PCDH10: variants seen among roughly 807,000 people sequenced by gnomAD.
PCDH10 encodes the protein protocadherin-10.
Under a neutral mutation model 74.4 loss-of-function variants are expected in PCDH10, and 15 were observed. The observed-to-expected ratio is 0.20, with a 90% CI of 0.13 to 0.31. The LOEUF (loss-of-function observed/expected upper bound fraction) is 0.31, where lower values mean the gene tolerates loss of function less well. Ranked by LOEUF, PCDH10 falls within the 10% of genes least tolerant of loss-of-function variation. The pLI is 1.00. For missense variants in PCDH10, 1,260 were observed against 1,390.2 expected, an observed-to-expected ratio of 0.91 and a Z score of 1.49; for synonymous variants, 619 against 589.8, an observed-to-expected ratio of 1.05 and a Z score of -0.72.
chr4:133,150,169 T>C lies in PCDH10; in HGVS notation c.29T>C (p.Leu10Pro). The C allele has an allele frequency of 1.9e-6, 3 of 1,584,770 alleles. No homozygotes were observed. The East Asian group carries it at 6.7e-5, about 35-fold the overall frequency. MIVLLLFAL[L>P]WMVEGVFSQL... is the part of the protein sequence containing the mutation. ...ATTGTGCTATTATTGTTTGCCTTGC[T>C]CTGGATGGTGGAAGGAGTCTTTTCC... Residue 10 changes from leucine (L) to proline (P), a missense_variant, in exon 1 of 5, where the codon CTC becomes CCC. Leu to Pro is a moderately conservative substitution (Grantham distance 98, BLOSUM62 -3). Transcript: ENST00000264360.
chr4:133,161,580 G>A (rs1490983225), intron 3 of PCDH10, among the ~76,000 whole-genome samples: 1 of 151,778 alleles, frequency 6.6e-6, no homozygotes, highest in Non-Finnish European at 1.5e-5. Context: ...ATTAATAGAA[G>A]TAACAATCAA....
Position 133,152,033 on chromosome 4 carries a change from G to T in PCDH10, c.1893G>T (p.Met631Ile), listed in dbSNP as rs779682009. Residue 631 changes from methionine (M) to isoleucine (I), a missense_variant, in exon 1 of 5, where the codon ATG becomes ATT. Met to Ile is a conservative substitution (Grantham distance 10). Coordinates refer to ENST00000264360, the MANE Select transcript of PCDH10 (RefSeq NM_032961.3). ...VRGNEMNLFR[M>I]DWRTGELRTA... ...GCAACGAAATGAACCTCTTTCGCAT[G>T]GACTGGCGCACCGGGGAGCTGCGCA... 1 of 1,612,318 alleles carries T rather than the reference G, an allele frequency of 6.2e-7. No homozygotes were observed. Among genetic ancestry groups the T allele is most frequent in the Non-Finnish European group, 8.5e-7 (1 of 1,179,586 alleles).
At chr4:133,175,822 T>C (rs1727285441) in intron 4 of PCDH10, among the ~76,000 whole-genome samples, 1 of 152,134 alleles carries the variant, frequency 6.6e-6, no homozygotes, top group Non-Finnish European at 1.5e-5. Flanking sequence ...AATGCAAAAG[T>C]GTTTTGAATG....
chr4:133,188,632 A>G (rs1205239630), intron 4 of PCDH10, among the ~76,000 whole-genome samples: 1 of 114,086 alleles, frequency 8.8e-6, no homozygotes, highest in Non-Finnish European at 1.9e-5. Flanking sequence ...TTTCACTTTC[A>G]TTTCTGTTGA....
In PCDH10 at chr4:133,194,227, T is replaced by C. The variant is rs561925004; in HGVS notation, c.*4067T>C. 3.3e-5 allele frequency: 5 copies of C among 152,018 alleles called. No individual in the cohort carries two copies. In the South Asian group the frequency reaches 1.0e-3, roughly 31 times the overall value. The allele number at this position is 152,018 out of a possible 1,614,324, so 9.4% of individuals were successfully genotyped here. On this transcript the variant is annotated 3_prime_UTR_variant, in exon 5 of 5. Transcript: ENST00000264360. ...TAAAATTAGAAAAATTGCTTTTATT[T>C]CTTGAAAAGTTGTCACATGCTTAGT... is the stretch of plus-strand genomic sequence containing the variant.
At chr4:133,190,017 A>G (rs1727626019) in intron 4 of PCDH10, 124 bp from the exon 5 acceptor site, 1 of 767,814 alleles carries the variant, frequency 1.3e-6, no homozygotes, top group South Asian at 1.5e-5. Flanking sequence ...GTTTGACACT[A>G]CATGTGTTTG....
chr4:133,151,603 C>T lies in PCDH10; in HGVS notation c.1463C>T (p.Thr488Ile), dbSNP rs1406693424. Residue 488 changes from threonine (T) to isoleucine (I), a missense_variant, in exon 1 of 5, where the codon ACC (threonine) becomes ATC (isoleucine). Transcript: ENST00000264360. Reference protein sequence around the residue: ...PGAYIYAVSATDRDEGANAQL... With the variant: ...PGAYIYAVSAIDRDEGANAQL... ...GCCTACATCTACGCGGTGAGCGCCACCGACCGGGATGAGGGCGCCAACGCC... is the reference window on the plus strand; with the variant it reads ...GCCTACATCTACGCGGTGAGCGCCATCGACCGGGATGAGGGCGCCAACGCC... 4 of 1,613,750 alleles carry T rather than the reference C, an allele frequency of 2.5e-6. No homozygotes were observed. Among genetic ancestry groups the T allele is most frequent in the Non-Finnish European group, 3.4e-6 (4 of 1,180,024 alleles).
chr4:133,171,436 G>C (rs1317239655), intron 4 of PCDH10, among the ~76,000 whole-genome samples: 1 of 152,042 alleles, frequency 6.6e-6, no homozygotes, highest in Admixed American at 6.6e-5. Flanking sequence ...ATATTTTCTG[G>C]ATTAAATTCT....
intron 4 of PCDH10, among the ~76,000 whole-genome samples, chr4:133,173,367 T>C (rs1727235631): frequency 6.6e-6 from 1 of 151,956 alleles, no homozygotes; most frequent in African/African-American, 2.4e-5. Flanking sequence ...AAAGAGGAAA[T>C]GTATCTATAT....
At position 133,149,965 on chromosome 4, in the gene PCDH10, G is replaced by T; in HGVS notation, c.-176G>T. 1.2e-6 allele frequency: 1 copy of T among 837,388 alleles called. No homozygotes were observed. The highest frequency in any genetic ancestry group is 3.0e-5 in the East Asian group (1 of 33,552). The allele number at this position is 837,388 out of a possible 1,614,324, so 51.9% of individuals were successfully genotyped here. On this transcript the variant is annotated 5_prime_UTR_variant, in exon 1 of 5. Coordinates refer to ENST00000264360, the MANE Select transcript of PCDH10 (RefSeq NM_032961.3). ...TTAAAAAAAAATGAGGCTGGATTGC[G>T]GGAAGCTCTAAAATGAAGCAAAAGG...
intron 3 of PCDH10, among the ~76,000 whole-genome samples, chr4:133,157,521 G>GA (rs1196842900): frequency 5.3e-5 from 8 of 151,960 alleles, no homozygotes; most frequent in Admixed American, 1.3e-4. Context: ...TTCAGGATAG[G>GA]AAAAAAACCT....
At chr4:133,167,175 C>G (rs1323792603) in intron 4 of PCDH10, among the ~76,000 whole-genome samples, 1 of 151,400 alleles carries the variant, frequency 6.6e-6, no homozygotes, top group Admixed American at 6.6e-5. Flanking sequence ...TAAAATACTG[C>G]TAAAACTTAT....
At chr4:133,189,359 C>A (rs1727610563) in intron 4 of PCDH10, among the ~76,000 whole-genome samples, 1 of 151,958 alleles carries the variant, frequency 6.6e-6, no homozygotes. Flanking sequence ...TCAAATATTA[C>A]AAAGTTTATG....
At chr4:133,163,425 G>A in intron 4 of PCDH10, 143 bp downstream of exon 4, 2 of 640,834 alleles carry the variant, frequency 3.1e-6, no homozygotes, top group East Asian at 2.8e-5. Flanking sequence ...GCACTTTAGG[G>A]CAATATTCTT....
intron 2 of PCDH10, among the ~76,000 whole-genome samples, chr4:133,199,789 A>G (rs1367599041): frequency 1.4e-5 from 2 of 145,342 alleles, no homozygotes; most frequent in African/African-American, 2.5e-5. Context: ...TATTATTACT[A>G]TTATTATTAT....
rs746177603 is a variant in PCDH10, at chr4:133,151,358, G to T, written c.1218G>T (p.Lys406Asn). 6.2e-7 allele frequency: 1 copy of T among 1,614,168 alleles called. No homozygotes were observed. Residue 406 changes from lysine (K) to asparagine (N), a missense_variant, in exon 1 of 5, where the codon AAG becomes AAT. This residue lies in a region of PCDH10 where 112 missense variants were observed against 123.6 expected (regional missense o/e 0.91). Transcript: ENST00000264360. ...TGGGAGACGTGCCTTTCCGCCTCAA[G>T]TCTTCCTTTAAGAATTACTACACCA... ...ELLGDVPFRL[K>N]SSFKNYYTIV...
chr4:133,183,611 T>C (rs1298214850), intron 4 of PCDH10, among the ~76,000 whole-genome samples: 1 of 152,178 alleles, frequency 6.6e-6, no homozygotes, highest in African/African-American at 2.4e-5. Context: ...ATTCTCTTGG[T>C]AGTAAACTTA....
chr4:133,164,043 A>G (rs1020145197), intron 4 of PCDH10: 2 of 455,770 alleles, frequency 4.4e-6, no homozygotes, highest in African/African-American at 4.0e-5. Context: ...AGATGCATAC[A>G]TTGTAGTGAC....
chr4:133,185,271 A>G (rs186774685), intron 4 of PCDH10, among the ~76,000 whole-genome samples: 150 of 151,388 alleles, frequency 9.9e-4, no homozygotes, highest in Middle Eastern at 3.4e-3. Flanking sequence ...ACAATATACA[A>G]CTATATTTTC....
Sources: gnomAD v4.1 joint callset for allele counts (sites outside exome capture counted in the v4.1 genomes callset) on GRCh38, gnomAD v4.1.1 for gene constraint, gnomAD v4.1.1 regional missense constraint, MANE v1.5 for transcripts, NCBI Gene and HGNC (gene_info 2026-07-23, HGNC 2026-07-21) for gene names.